Variants in ALG12 observed in about 807,000 individuals in gnomAD.
ALG12 encodes ALG12 alpha-1,6-mannosyltransferase, also known as dol-P-Man:Man(7)GlcNAc(2)-PP-Dol alpha-1,6-mannosyltransferase.
A neutral mutation model predicts 46.0 loss-of-function variants in ALG12; 36 were observed. That is an observed-to-expected ratio of 0.78 (90% CI 0.60 to 1.03). ALG12 has a LOEUF of 1.03. Ranked by LOEUF, ALG12 falls within the 50% of genes least tolerant of loss-of-function variation. ALG12 has a pLI of 0.00. For synonymous variants in ALG12, 326 were observed against 291.6 expected, an observed-to-expected ratio of 1.12 and a Z score of -1.20; for missense variants, 599 against 633.5, an observed-to-expected ratio of 0.95 and a Z score of 0.58.
intron 3 of ALG12, among the ~76,000 whole-genome samples, chr22:49,912,482 T>C (rs1012291457): frequency 1.3e-5 from 2 of 152,220 alleles, no homozygotes; most frequent in Non-Finnish European, 2.9e-5. Context: ...TGGGGCTTCC[T>C]GATGCCTCTA....
intron 1 of ALG12, among the ~76,000 whole-genome samples, chr22:49,915,916 G>T (rs1365029313): frequency 6.6e-6 from 1 of 152,144 alleles, no homozygotes; most frequent in Non-Finnish European, 1.5e-5. Context: ...AGAAGAAATC[G>T]GTAAAAACTC....
At chr22:49,877,826 G>A in the ALG12 span, among the ~76,000 whole-genome samples, 1 of 151,980 alleles carries the variant, frequency 6.6e-6, no homozygotes, top group African/African-American at 2.4e-5. Context: ...CCCTCCTCCC[G>A]CCAGCACAGA....
the ALG12 span, among the ~76,000 whole-genome samples, chr22:49,872,214 T>C: frequency 1.3e-5 from 2 of 152,228 alleles, no homozygotes; most frequent in East Asian, 3.8e-4. Context: ...TATTCCAAAA[T>C]CTTTATTGTC....
At chr22:49,862,632 C>T in the ALG12 span, among the ~76,000 whole-genome samples, 801 of 149,128 alleles carry the variant, frequency 5.4e-3, 4 homozygotes, top group African/African-American at 0.019. Context: ...ACAGCAGCTA[C>T]TTCCTTATTC....
chr22:49,874,508 C>A, the ALG12 span, among the ~76,000 whole-genome samples: 1 of 151,410 alleles, frequency 6.6e-6, no homozygotes, highest in Admixed American at 6.6e-5. Context: ...GCCTCAGCGT[C>A]CCAAGTAGCT....
chr22:49,893,156 GA>G, the ALG12 span, among the ~76,000 whole-genome samples: 1 of 152,224 alleles, frequency 6.6e-6, no homozygotes, highest in Non-Finnish European at 1.5e-5. Flanking sequence ...ACAGAGAGAT[GA>G]AAAGTGCCTG....
chr22:49,879,893 CT>C, the ALG12 span, among the ~76,000 whole-genome samples: 2 of 87,792 alleles, frequency 2.3e-5, no homozygotes, highest in African/African-American at 8.3e-5. Flanking sequence ...GTGTCTGGGC[CT>C]GTTTCTATTG....
the ALG12 span, chr22:49,887,338 C>G: frequency 4.5e-6 from 3 of 673,044 alleles, no homozygotes; most frequent in Non-Finnish European, 7.1e-6. Flanking sequence ...GTGCCTTACC[C>G]CTTCTCCTTC....
chr22:49,886,750 A>G, the ALG12 span: 3 of 1,612,802 alleles, frequency 1.9e-6, no homozygotes, highest in African/African-American at 1.3e-5. This position sits in a 1 kb window ranked among gnomAD's most constrained non-coding sequence, Gnocchi z 7.7. Context: ...ACAGGATTTA[A>G]TCAGGGAACT....
chr22:49,886,156 G>A, the ALG12 span: 1 of 695,438 alleles, frequency 1.4e-6, no homozygotes, highest in South Asian at 1.6e-5. The surrounding 1 kb of genome is among the most constrained non-coding windows in gnomAD (Gnocchi z 7.7). Context: ...CAGCCATACG[G>A]TGAACCTGAT....
chr22:49,877,526 G>A, the ALG12 span, among the ~76,000 whole-genome samples: 5 of 151,890 alleles, frequency 3.3e-5, no homozygotes, highest in Non-Finnish European at 5.9e-5. Flanking sequence ...TCCTGACCTC[G>A]TGTGATCCCT....
At chr22:49,898,748 T>G (rs1415347665), downstream of ALG12, among the ~76,000 whole-genome samples, 5 of 151,986 alleles carry the variant, frequency 3.3e-5, no homozygotes, top group African/African-American at 1.2e-4. Context: ...AGACAGTATT[T>G]TCTTTCTCTT....
rs375555609 is a variant in ALG12, at chr22:49,907,886, A to G, written c.827T>C (p.Leu276Pro). 4.3e-6 allele frequency: 7 copies of G among 1,613,860 alleles called. No individual in the cohort carries two copies. In the African/African-American group the frequency reaches 9.3e-5, roughly 22 times the overall value. ...TACCAAGCCCAGGGGGATGAAGAGC[A>G]GGCTGCAGCCCAGGCCGCGGGGCAG... ...SALPRGLGCSLLFIPLGLVDR... is the reference protein window; with the variant it reads ...SALPRGLGCSPLFIPLGLVDR... Residue 276 changes from leucine to proline, a missense_variant, in exon 7 of 10, where the codon CTG becomes CCG. By Grantham distance (98) the Leu-to-Pro change is moderately conservative. Coordinates refer to ENST00000330817, the MANE Select transcript of ALG12 (RefSeq NM_024105.4).
At chr22:49,882,396 G>C in the ALG12 span, among the ~76,000 whole-genome samples, 3 of 152,208 alleles carry the variant, frequency 2.0e-5, no homozygotes, top group African/African-American at 7.2e-5. Context: ...CAGCCTAAGT[G>C]ACAGTAAAAC....
At chr22:49,884,546 A>G in the ALG12 span, 26 of 1,613,754 alleles carry the variant, frequency 1.6e-5, no homozygotes, top group African/African-American at 2.7e-5. Flanking sequence ...AAGCACTTCT[A>G]CCTGTCGCCA....
intron 1 of ALG12, among the ~76,000 whole-genome samples, chr22:49,915,903 C>T (rs867169311): frequency 2.0e-5 from 3 of 152,166 alleles, no homozygotes; most frequent in East Asian, 1.9e-4. Context: ...ACAAGGCTGC[C>T]GAAGAAGAAA....
chr22:49,886,996 C>A, the ALG12 span: 1 of 1,614,110 alleles, frequency 6.2e-7, no homozygotes, highest in South Asian at 1.1e-5. The surrounding 1 kb of genome is among the most constrained non-coding windows in gnomAD (Gnocchi z 7.7). Flanking sequence ...GGCGTCCTGG[C>A]CGGGGCTGTC....
rs78916708 is a variant in ALG12, at chr22:49,910,421, G to A, written c.469+13C>T. The A allele has an allele frequency of 0.018, 28,570 of 1,612,618 alleles. 308 individuals are homozygous for A. The highest frequency in any genetic ancestry group is 0.039 in the East Asian group (1,736 of 44,842). ...GCACCATGGGTGTGCAGGCCCGGCCGGCAGCTACGTACCTACAGGCAGGGC... is the reference window on the plus strand; with the variant it reads ...GCACCATGGGTGTGCAGGCCCGGCCAGCAGCTACGTACCTACAGGCAGGGC... On this transcript the variant is annotated intron_variant, in intron 4 of 9. Coordinates refer to ENST00000330817, the MANE Select transcript of ALG12 (RefSeq NM_024105.4).
the ALG12 span, among the ~76,000 whole-genome samples, chr22:49,880,992 T>A: frequency 9.9e-5 from 15 of 152,212 alleles, no homozygotes; most frequent in African/African-American, 3.4e-4. Context: ...ATTTTAAAAA[T>A]TTTATCTTAT....
Sources: allele counts gnomAD v4.1 joint callset (sites outside exome capture counted in the v4.1 genomes callset), GRCh38; gene constraint gnomAD v4.1.1; non-coding constraint Gnocchi (gnomAD v3.1); transcripts MANE v1.5; gene names NCBI Gene and HGNC (gene_info 2026-07-23, HGNC 2026-07-21).